SLC16A2: variants seen among roughly 807,000 people sequenced by gnomAD.
The protein encoded by SLC16A2 is solute carrier family 16 member 2, also known as monocarboxylate transporter 8.
In SLC16A2, 3 loss-of-function variants were observed where a neutral mutation model predicts 27.2. That is an observed-to-expected ratio of 0.11 (90% CI 0.05 to 0.28). The LOEUF (loss-of-function observed/expected upper bound fraction) is 0.28. Among genes scored for constraint, SLC16A2 ranks in the 10% least tolerant of loss-of-function variants. The pLI is 1.00. For synonymous variants in SLC16A2, 202 were observed against 187.8 expected (o/e 1.08, Z -0.62); for missense variants, 295 against 458.5 (o/e 0.64, Z 3.26).
At chrX:74,514,549 A>C (rs1027092228) in intron 1 of SLC16A2, among the ~76,000 whole-genome samples, 39 of 110,663 alleles carry the variant, frequency 3.5e-4, no homozygotes, top group African/African-American at 1.2e-3. Context: ...AACAAGGCCT[A>C]CCCCTCCCCC....
At chrX:74,478,504 T>C (rs893878569) in intron 1 of SLC16A2, among the ~76,000 whole-genome samples, 1 of 112,050 alleles carries the variant, frequency 8.9e-6, no homozygotes, top group Non-Finnish European at 1.9e-5. Flanking sequence ...TATTGTTATG[T>C]GTAAATCTGA....
chrX:74,504,290 G>A (rs1444175751), intron 1 of SLC16A2, among the ~76,000 whole-genome samples: 2 of 111,815 alleles, frequency 1.8e-5, no homozygotes, highest in Non-Finnish European at 3.8e-5. Flanking sequence ...GCTGGCATGA[G>A]TGGCTATTGC....
intron 1 of SLC16A2, among the ~76,000 whole-genome samples, chrX:74,492,006 A>T (rs1310157961): frequency 1.8e-5 from 2 of 112,491 alleles, no homozygotes; most frequent in Non-Finnish European, 1.9e-5. Flanking sequence ...GTCCCTATGT[A>T]AGCAGGACAG....
rs1424612968 is a variant in SLC16A2 at position 74,454,504 on chromosome X, A to C, written c.430+32437A>C. Among the ~76,000 whole-genome samples the C allele has an allele frequency of 6.6e-5, 7 of 106,168 alleles. No homozygotes were observed. In the East Asian group the frequency reaches 2.1e-3, roughly 32 times the overall value. The allele number at this position is 106,168 out of a possible 115,157, so 92.2% of individuals were successfully genotyped here. On this transcript the variant is annotated intron_variant, in intron 1 of 5. Transcript: ENST00000587091. ...AAAAAACCAAACATGGCATGTTCTC[A>C]CTCATAGGTGGGAATTGAACAATGA...
intron 1 of SLC16A2, among the ~76,000 whole-genome samples, chrX:74,427,177 C>T (rs1045129168): frequency 8.9e-6 from 1 of 112,500 alleles, no homozygotes; most frequent in Non-Finnish European, 1.9e-5. Context: ...ACAGCACAGT[C>T]TTATTTCTCA....
At chrX:74,481,703 T>A (rs1569292486) in intron 1 of SLC16A2, among the ~76,000 whole-genome samples, 1 of 107,876 alleles carries the variant, frequency 9.3e-6, no homozygotes, top group East Asian at 2.9e-4. Flanking sequence ...CTATTTTATT[T>A]GTTCCTGTTA....
At chrX:74,517,903 G>A (rs1930340637) in intron 1 of SLC16A2, among the ~76,000 whole-genome samples, 1 of 111,849 alleles carries the variant, frequency 8.9e-6, no homozygotes, top group Non-Finnish European at 1.9e-5. Context: ...TTTGAGTCTG[G>A]CTTCGTTTAC....
chrX:74,427,928 A>C (rs1188949652), intron 1 of SLC16A2, among the ~76,000 whole-genome samples: 6 of 111,245 alleles, frequency 5.4e-5, no homozygotes, highest in Non-Finnish European at 1.1e-4. Context: ...TAGGTGTACC[A>C]GAGGCTTCTG....
intron 1 of SLC16A2, among the ~76,000 whole-genome samples, chrX:74,462,447 G>T (rs1216872959): frequency 9.0e-6 from 1 of 111,713 alleles, no homozygotes; most frequent in East Asian, 2.8e-4. Flanking sequence ...AGCCTCCCGA[G>T]TAGCTGGGAT....
intron 1 of SLC16A2, among the ~76,000 whole-genome samples, chrX:74,439,041 C>T (rs1295059042): frequency 9.0e-6 from 1 of 111,079 alleles, no homozygotes; most frequent in African/African-American, 3.3e-5. Flanking sequence ...TGCCCCAAAG[C>T]TAAAAGAAAT....
chrX:74,486,416 T>G (rs1210797746), intron 1 of SLC16A2, among the ~76,000 whole-genome samples: 1 of 112,609 alleles, frequency 8.9e-6, no homozygotes, highest in Non-Finnish European at 1.9e-5. Flanking sequence ...CCTTGTATCC[T>G]CTTGATTTGG....
chrX:74,521,846 A>C (rs936796003), intron 2 of SLC16A2, among the ~76,000 whole-genome samples: 1 of 112,209 alleles, frequency 8.9e-6, no homozygotes, highest in African/African-American at 3.2e-5. Flanking sequence ...CCTGGGCTAA[A>C]CTGAAACCCT....
At chrX:74,442,536 G>A (rs1928770121) in intron 1 of SLC16A2, among the ~76,000 whole-genome samples, 1 of 111,977 alleles carries the variant, frequency 8.9e-6, no homozygotes, top group African/African-American at 3.2e-5. Flanking sequence ...TGATAAACCA[G>A]TTCAGGTTCA....
At chrX:74,492,986 C>T (rs1313590351) in intron 1 of SLC16A2, among the ~76,000 whole-genome samples, 4 of 111,945 alleles carry the variant, frequency 3.6e-5, no homozygotes, top group Non-Finnish European at 7.5e-5. Flanking sequence ...CGATGTTTTT[C>T]TCATCCAGCA....
chrX:74,512,708 AC>A (rs1202724859), intron 1 of SLC16A2, among the ~76,000 whole-genome samples: 8 of 112,055 alleles, frequency 7.1e-5, no homozygotes, highest in African/African-American at 2.6e-4. Context: ...AGTCTCCTGT[AC>A]TTCAAAGACA....
At chrX:74,445,175 T>C (rs913070191) in intron 1 of SLC16A2, among the ~76,000 whole-genome samples, 1 of 110,746 alleles carries the variant, frequency 9.0e-6, no homozygotes, top group African/African-American at 3.3e-5. Context: ...CTAAGTTGCG[T>C]GTGTGTGTGT....
intron 1 of SLC16A2, among the ~76,000 whole-genome samples, chrX:74,439,248 T>C (rs1286297085): frequency 1.9e-5 from 2 of 102,716 alleles, no homozygotes; most frequent in Non-Finnish European, 3.9e-5. Flanking sequence ...CTTTCTTTCT[T>C]TCTTCTCTCT....
At chrX:74,462,029 C>G (rs1466726860) in intron 1 of SLC16A2, among the ~76,000 whole-genome samples, 1 of 111,704 alleles carries the variant, frequency 9.0e-6, no homozygotes, top group Non-Finnish European at 1.9e-5. Flanking sequence ...TCCTTAATAG[C>G]TGCCCCTTCC....
At chrX:74,469,014 T>C (rs1602119010) in intron 1 of SLC16A2, among the ~76,000 whole-genome samples, 1 of 111,742 alleles carries the variant, frequency 8.9e-6, no homozygotes, top group East Asian at 2.8e-4. Context: ...ACCATCATTC[T>C]ACCCTTTACC....
Sources: gnomAD v4.1 joint callset for allele counts (sites outside exome capture counted in the v4.1 genomes callset) on GRCh38, gnomAD v4.1.1 for gene constraint, MANE v1.5 for transcripts, NCBI Gene and HGNC (gene_info 2026-07-23, HGNC 2026-07-21) for gene names.